Variants in HS3ST4 observed in about 807,000 individuals in gnomAD.
HS3ST4 encodes heparan sulfate glucosamine 3-O-sulfotransferase 4.
HS3ST4 carries 17 observed loss-of-function variants against 29.2 expected under a neutral mutation model. That is an observed-to-expected ratio of 0.58 (90% CI 0.40 to 0.87). The LOEUF (loss-of-function observed/expected upper bound fraction) is 0.87, where lower values mean the gene tolerates loss of function less well. Among genes scored for constraint, HS3ST4 ranks in the 40% least tolerant of loss-of-function variants. The pLI is 0.00. For missense variants in HS3ST4, 627 were observed against 634.5 expected, an observed-to-expected ratio of 0.99 and a Z score of 0.13; for synonymous variants, 314 against 285.7, an observed-to-expected ratio of 1.10 and a Z score of -1.00.
At chr16:26,056,858 A>G (rs1898414115) in intron 1 of HS3ST4, among the ~76,000 whole-genome samples, 1 of 152,256 alleles carries the variant, frequency 6.6e-6, no homozygotes, top group Non-Finnish European at 1.5e-5. Context: ...CAAGTTCAAC[A>G]TCTGTATCAA....
intron 1 of HS3ST4, among the ~76,000 whole-genome samples, chr16:25,968,182 G>A (rs1215167867): frequency 2.0e-5 from 3 of 152,144 alleles, no homozygotes; most frequent in African/African-American, 4.8e-5. Flanking sequence ...GACTGCGGGC[G>A]GAAGCGGATG....
intron 1 of HS3ST4, among the ~76,000 whole-genome samples, chr16:26,010,551 G>A (rs1302630961): frequency 1.3e-5 from 2 of 152,138 alleles, no homozygotes; most frequent in African/African-American, 4.8e-5. Context: ...TGAGGCTTAA[G>A]GAAACCTGGG....
At chr16:25,875,962 T>C (rs2141661895) in intron 1 of HS3ST4, among the ~76,000 whole-genome samples, 2 of 152,310 alleles carry the variant, frequency 1.3e-5, no homozygotes, top group Non-Finnish European at 1.5e-5. Context: ...GCTGCTTCTC[T>C]TGGGCTAATG....
At chr16:26,066,843 G>A (rs972097853) in intron 1 of HS3ST4, among the ~76,000 whole-genome samples, 4 of 152,196 alleles carry the variant, frequency 2.6e-5, no homozygotes, top group African/African-American at 9.7e-5. Context: ...TTTGCAGTAT[G>A]CAATGCTCAG....
intron 1 of HS3ST4, among the ~76,000 whole-genome samples, chr16:25,965,684 T>C (rs1371447000): frequency 6.6e-6 from 1 of 152,210 alleles, no homozygotes; most frequent in Non-Finnish European, 1.5e-5. Flanking sequence ...AAAAATTTCC[T>C]TCTCATGTCC....
At chr16:26,124,984 G>A (rs1306857643) in intron 1 of HS3ST4, among the ~76,000 whole-genome samples, 1 of 152,240 alleles carries the variant, frequency 6.6e-6, no homozygotes, top group Non-Finnish European at 1.5e-5. Flanking sequence ...CATAGGCAGT[G>A]TCCTTAACTT....
At chr16:25,743,000 C>G (rs978019310) in intron 1 of HS3ST4, among the ~76,000 whole-genome samples, 20 of 152,194 alleles carry the variant, frequency 1.3e-4, no homozygotes, top group African/African-American at 4.8e-4. Context: ...AAACCAGAAT[C>G]CCATTGAACT....
intron 1 of HS3ST4, among the ~76,000 whole-genome samples, chr16:25,887,691 AT>A (rs768447504): frequency 0.093 from 8,491 of 91,480 alleles, 130 homozygotes; most frequent in African/African-American, 0.13. Context: ...GCTACACCTG[AT>A]TTTTTTTTTT....
chr16:25,796,043 G>T (rs546431634), intron 1 of HS3ST4, among the ~76,000 whole-genome samples: 7 of 152,012 alleles, frequency 4.6e-5, no homozygotes, highest in Admixed American at 2.0e-4. Context: ...TTGAATGCTG[G>T]TCTCACTGAC....
chr16:26,125,865 G>A (rs79776997), intron 1 of HS3ST4, among the ~76,000 whole-genome samples: 9 of 152,288 alleles, frequency 5.9e-5, no homozygotes, highest in South Asian at 4.1e-4. Flanking sequence ...TTAAATGTAC[G>A]CCTGGAACCT....
intron 1 of HS3ST4, among the ~76,000 whole-genome samples, chr16:25,962,848 A>G (rs754529759): frequency 8.5e-5 from 13 of 152,188 alleles, no homozygotes; most frequent in East Asian, 1.9e-4. Flanking sequence ...GTACTTTCTC[A>G]TAAGTTTATT....
intron 1 of HS3ST4, among the ~76,000 whole-genome samples, chr16:26,008,977 G>A (rs1385138748): frequency 6.6e-6 from 1 of 152,176 alleles, no homozygotes; most frequent in African/African-American, 2.4e-5. Context: ...TCCTGCTGGA[G>A]GTCAGAGAAA....
At chr16:25,737,149 A>G (rs780834508) in intron 1 of HS3ST4, among the ~76,000 whole-genome samples, 1 of 152,170 alleles carries the variant, frequency 6.6e-6, no homozygotes, top group African/African-American at 2.4e-5. Flanking sequence ...GCACCATTGA[A>G]TACTACACAG....
At chr16:25,994,637 A>G (rs1277352063) in intron 1 of HS3ST4, among the ~76,000 whole-genome samples, 4 of 152,188 alleles carry the variant, frequency 2.6e-5, no homozygotes, top group Non-Finnish European at 4.4e-5. Flanking sequence ...CACCTTTTAT[A>G]TGTTGTTAAT....
At chr16:25,986,692 G>A (rs1434854779) in intron 1 of HS3ST4, among the ~76,000 whole-genome samples, 2 of 152,236 alleles carry the variant, frequency 1.3e-5, no homozygotes, top group African/African-American at 4.8e-5. Context: ...TTGGCATTCT[G>A]TTACGGCGTT....
chr16:25,924,314 TA>T (rs1377749061), intron 1 of HS3ST4, among the ~76,000 whole-genome samples: 1 of 152,182 alleles, frequency 6.6e-6, no homozygotes, highest in East Asian at 1.9e-4. Flanking sequence ...CCACTCTAGC[TA>T]AAAAATAATA....
At position 25,828,246 on chromosome 16, in the gene HS3ST4, T is replaced by TTTTCTA. The variant is rs1567249325; in HGVS notation, c.734+135096_734+135097insTTCTAT. ...CCTTTCTTTCTTTCTTTCTTTCTCT[T>TTTTCTA]TCTTTCTTTCTTTCTTTCTTTCTTT... On this transcript the variant is annotated intron_variant, in intron 1 of 1. Coordinates refer to ENST00000331351, the MANE Select transcript of HS3ST4 (RefSeq NM_006040.3). Among the ~76,000 whole-genome samples the TTTTCTA allele has an allele frequency of 9.8e-4, 55 of 55,916 alleles. 1 individual carries two copies. Among genetic ancestry groups the TTTTCTA allele is most frequent in the Non-Finnish European group, 1.6e-3 (48 of 29,432 alleles). 36.7% of individuals were successfully genotyped at this position (55,916 alleles called of 152,430 possible).
chr16:25,938,316 G>A (rs965713327), intron 1 of HS3ST4, among the ~76,000 whole-genome samples: 5 of 152,174 alleles, frequency 3.3e-5, no homozygotes, highest in Admixed American at 6.5e-5. Flanking sequence ...ATTTGAGTCT[G>A]CAAGAAGAGC....
rs539202094 is a variant in HS3ST4 at position 25,986,197 on chromosome 16, TTATTCATTCTC to T, written c.735-149412_735-149402del. Among the ~76,000 whole-genome samples, 1,070 of 152,382 alleles carry T rather than the reference TTATTCATTCTC, an allele frequency of 7.0e-3. 3 individuals carry two copies. The highest frequency in any genetic ancestry group is 0.012 in the Non-Finnish European group (791 of 68,038). ...CTACCTAACAAAATGTATGGTATAC[TTATTCATTCTC>T]TACCTTCTCCTACTAGAATGTGAGT... On this transcript the variant is annotated intron_variant, in intron 1 of 1. Coordinates refer to ENST00000331351, the MANE Select transcript of HS3ST4 (RefSeq NM_006040.3).
Sources: gnomAD v4.1 joint callset for allele counts (sites outside exome capture counted in the v4.1 genomes callset) on GRCh38, gnomAD v4.1.1 for gene constraint, MANE v1.5 for transcripts, NCBI Gene and HGNC (gene_info 2026-07-23, HGNC 2026-07-21) for gene names.